TMEM132D: variants seen among roughly 807,000 people sequenced by gnomAD.
TMEM132D encodes the protein mature OL transmembrane protein.
A neutral mutation model predicts 62.3 loss-of-function variants in TMEM132D; 21 were observed. That is an observed-to-expected ratio of 0.34 (90% CI 0.24 to 0.49). TMEM132D has a LOEUF of 0.49. Ranked by LOEUF, TMEM132D falls within the 20% of genes least tolerant of loss-of-function variation. The pLI, the probability that TMEM132D is intolerant of heterozygous loss-of-function variation, is 0.99. For missense variants in TMEM132D, 1,346 were observed against 1,402.8 expected (o/e 0.96, Z 0.65); for synonymous variants, 621 against 575.6 (o/e 1.08, Z -1.13).
intron 3 of TMEM132D, among the ~76,000 whole-genome samples, chr12:129,441,786 T>C (rs767811909): frequency 3.9e-5 from 6 of 152,176 alleles, no homozygotes; most frequent in Non-Finnish European, 8.8e-5. Context: ...ACATATACAC[T>C]GTGGAATCTT....
At chr12:129,677,300 C>T (rs1277117411) in intron 2 of TMEM132D, among the ~76,000 whole-genome samples, 1 of 152,152 alleles carries the variant, frequency 6.6e-6, no homozygotes, top group Non-Finnish European at 1.5e-5. Flanking sequence ...TTTCCCTCCA[C>T]AAGCTCTCTC....
intron 2 of TMEM132D, among the ~76,000 whole-genome samples, chr12:129,543,595 T>C (rs1042055165): frequency 2.6e-5 from 4 of 152,202 alleles, no homozygotes; most frequent in Non-Finnish European, 4.4e-5. Flanking sequence ...AAATCATCTA[T>C]AGTGTTGAAT....
intron 3 of TMEM132D, among the ~76,000 whole-genome samples, chr12:129,391,609 C>T (rs1871292215): frequency 6.6e-6 from 1 of 152,154 alleles, no homozygotes; most frequent in Non-Finnish European, 1.5e-5. Context: ...TTGTTATACC[C>T]CAGTCCAGTA....
chr12:129,750,354 G>A (rs1417673546), intron 1 of TMEM132D, among the ~76,000 whole-genome samples: 1 of 152,132 alleles, frequency 6.6e-6, no homozygotes, highest in East Asian at 1.9e-4. Flanking sequence ...CAAAGTGCTG[G>A]GATTACAGGC....
rs565752333 is a variant in TMEM132D, at chr12:129,168,672, T to A, written c.1443+40848A>T. ...TCTACAGACATTTAAGGTTGGATAA[T>A]TCTATGTTTCGTGGGGCTGTCCTAT... On this transcript the variant is annotated intron_variant, in intron 5 of 8. Transcript: ENST00000422113. Among the ~76,000 whole-genome samples, 4 of 152,282 alleles carry A rather than the reference T, an allele frequency of 2.6e-5. No homozygotes were observed. In the East Asian group the frequency reaches 5.8e-4, roughly 22 times the overall value.
intron 1 of TMEM132D, among the ~76,000 whole-genome samples, chr12:129,778,904 G>GGTTTGTGA (rs1381568701): frequency 6.6e-6 from 1 of 152,116 alleles, no homozygotes; most frequent in Non-Finnish European, 1.5e-5. Flanking sequence ...ACAGACACTG[G>GGTTTGTGA]GTTTGTGAAT....
chr12:129,830,580 T>C (rs955962780), intron 1 of TMEM132D, among the ~76,000 whole-genome samples: 2 of 152,136 alleles, frequency 1.3e-5, no homozygotes, highest in African/African-American at 4.8e-5. Flanking sequence ...AGTATCCTTC[T>C]TCCATAAATT....
chr12:129,758,062 T>C lies in TMEM132D; in HGVS notation c.80-57364A>G, dbSNP rs537900526. On this transcript the variant is annotated intron_variant, in intron 1 of 8. Coordinates refer to ENST00000422113, the MANE Select transcript of TMEM132D (RefSeq NM_133448.3). ...GGATTACAGGTGCCTGCCACCATGC[T>C]TGGCTAATTATTTTGTATTTTTAGT... Among the ~76,000 whole-genome samples the C allele has an allele frequency of 6.0e-3, 917 of 152,068 alleles. 1 individual carries two copies. Among genetic ancestry groups the C allele is most frequent in the Non-Finnish European group, 0.011 (724 of 67,972 alleles).
intron 3 of TMEM132D, among the ~76,000 whole-genome samples, chr12:129,511,119 A>G (rs1875485155): frequency 2.0e-5 from 3 of 152,208 alleles, no homozygotes; most frequent in African/African-American, 4.8e-5. Flanking sequence ...ATGTAAATAC[A>G]TCATAATAGT....
chr12:129,527,808 T>C (rs1259941774), intron 3 of TMEM132D, among the ~76,000 whole-genome samples: 1 of 152,226 alleles, frequency 6.6e-6, no homozygotes, highest in Non-Finnish European at 1.5e-5. Flanking sequence ...ACAGATCTGA[T>C]AGCTGGGGTA....
intron 2 of TMEM132D, among the ~76,000 whole-genome samples, chr12:129,662,562 AG>A (rs1215984967): frequency 6.6e-6 from 1 of 152,222 alleles, no homozygotes; most frequent in African/African-American, 2.4e-5. Flanking sequence ...TGGGAGGCCA[AG>A]GCAGGCGGAT....
At chr12:129,815,282 T>C (rs1872312097) in intron 1 of TMEM132D, among the ~76,000 whole-genome samples, 2 of 152,204 alleles carry the variant, frequency 1.3e-5, no homozygotes, top group Admixed American at 6.5e-5. Context: ...CCAGAATGCA[T>C]TGTTGAGTGA....
intron 2 of TMEM132D, among the ~76,000 whole-genome samples, chr12:129,560,166 C>T (rs1035736508): frequency 4.6e-5 from 7 of 152,198 alleles, no homozygotes; most frequent in African/African-American, 1.4e-4. Flanking sequence ...GCAAGACATC[C>T]AGGGGTCTTA....
intron 2 of TMEM132D, among the ~76,000 whole-genome samples, chr12:129,638,933 G>A (rs1024417776): frequency 3.9e-5 from 6 of 152,000 alleles, no homozygotes; most frequent in African/African-American, 1.2e-4. Context: ...ATGCAAAGTC[G>A]GGAGTTTCAA....
intron 2 of TMEM132D, among the ~76,000 whole-genome samples, chr12:129,600,401 G>C (rs1878454283): frequency 6.6e-6 from 1 of 152,172 alleles, no homozygotes; most frequent in East Asian, 1.9e-4. Context: ...CATCCATGAG[G>C]GTTGGAATCA....
At chr12:129,410,033 C>T (rs1326105946) in intron 3 of TMEM132D, among the ~76,000 whole-genome samples, 2 of 152,208 alleles carry the variant, frequency 1.3e-5, no homozygotes. Flanking sequence ...ATGGATTCCT[C>T]TGCCTTGTTC....
intron 3 of TMEM132D, among the ~76,000 whole-genome samples, chr12:129,493,720 G>A (rs1165595649): frequency 6.6e-6 from 1 of 152,174 alleles, no homozygotes; most frequent in African/African-American, 2.4e-5. Context: ...ACCACATGCA[G>A]GAGGAAGGTC....
rs142862247 is a variant in TMEM132D, at chr12:129,730,414, T to A, written c.80-29716A>T. 5.2e-3 allele frequency among the ~76,000 whole-genome samples: 794 copies of A among 152,316 alleles called. 4 individuals are homozygous for A. The highest frequency in any genetic ancestry group is 0.018 in the African/African-American group (764 of 41,580). On this transcript the variant is annotated intron_variant, in intron 1 of 8. Transcript: ENST00000422113. ...ATGCTCCCTGAGGGTGGATGCTGTT[T>A]CAATTGGTTAAGAGCTTTATATAAA...
intron 5 of TMEM132D, among the ~76,000 whole-genome samples, chr12:129,175,189 A>G (rs1480228793): frequency 6.8e-6 from 1 of 146,914 alleles, no homozygotes; most frequent in East Asian, 2.0e-4. Flanking sequence ...GTTTTCTTCT[A>G]GGGTTTTTAT....
Sources: gnomAD v4.1 joint callset for allele counts (sites outside exome capture counted in the v4.1 genomes callset) on GRCh38, gnomAD v4.1.1 for gene constraint, MANE v1.5 for transcripts, NCBI Gene and HGNC (gene_info 2026-07-23, HGNC 2026-07-21) for gene names.